The following APP variants were observed in gnomAD, a reference collection of about 807,000 sequenced individuals.
APP encodes the protein amyloid beta precursor protein, also known as amyloid-beta precursor protein.
In APP, 31 loss-of-function variants were observed where a neutral mutation model predicts 101.4. The ratio of observed to expected loss-of-function variants is 0.31; its 90% CI spans 0.23 to 0.41. The LOEUF (loss-of-function observed/expected upper bound fraction) is 0.41. Among genes scored for constraint, APP ranks in the 10% least tolerant of loss-of-function variants. APP has a pLI of 1.00. For missense variants in APP, 839 were observed against 1,003.7 expected, an observed-to-expected ratio of 0.84 and a Z score of 2.22; for synonymous variants, 366 against 364.4, an observed-to-expected ratio of 1.00 and a Z score of -0.05.
At chr21:26,021,762 A>G (rs544174008) in intron 6 of APP, 78 bp downstream of exon 6, 15 of 1,570,074 alleles carry the variant, frequency 9.6e-6, no homozygotes, top group African/African-American at 1.4e-5. Context: ...CAGTGGTGCT[A>G]GGGTGGATAT....
At chr21:26,033,095 C>G (rs1016540971) in intron 5 of APP, among the ~76,000 whole-genome samples, 1 of 152,134 alleles carries the variant, frequency 6.6e-6, no homozygotes, top group Non-Finnish European at 1.5e-5. Flanking sequence ...ACTGTAGAAA[C>G]AGGGAATGGC....
intron 1 of APP, chr21:26,140,154 T>A: frequency 6.5e-7 from 1 of 1,531,866 alleles, no homozygotes; most frequent in Non-Finnish European, 8.7e-7. Context: ...CTCACTTACA[T>A]AGTTGATAAA....
At position 25,885,455 on chromosome 21, in the gene APP, G is replaced by C. The variant is rs939793669; in HGVS notation, c.2212-3684C>G. Among the ~76,000 whole-genome samples, 71 of 152,254 alleles carry C rather than the reference G, an allele frequency of 4.7e-4. 1 individual carries two copies. The highest frequency in any genetic ancestry group is 7.5e-4 in the Non-Finnish European group (51 of 68,050). ...GTTCTGGAAGGAATGATAAGACAAT[G>C]AAGTCAGAATTTCCATTTTCCAACT... is the stretch of plus-strand genomic sequence containing the variant. On this transcript the variant is annotated intron_variant, in intron 17 of 17. Coordinates refer to ENST00000346798, the MANE Select transcript of APP (RefSeq NM_000484.4).
At chr21:25,969,246 G>C (rs547936881) in intron 11 of APP, among the ~76,000 whole-genome samples, 18 of 150,014 alleles carry the variant, frequency 1.2e-4, no homozygotes, top group South Asian at 2.1e-4. Context: ...TACTTGAGAG[G>C]CTGAGGCTGG....
Position 25,897,692 on chromosome 21 carries a change from A to C in APP, c.1964-19T>G, listed in dbSNP as rs186664745. The C allele has an allele frequency of 5.0e-6, 8 of 1,586,578 alleles. No individual in the cohort carries two copies. In the East Asian group the frequency reaches 1.6e-4, roughly 31 times the overall value. ...CCAGAACCTGTATTACATCATAATT[A>C]AAGTATGCAGGACAACCAATTAGTT... is the stretch of plus-strand genomic sequence containing the variant. On this transcript the variant is annotated intron_variant, in intron 15 of 17. Transcript: ENST00000346798.
At chr21:26,093,447 T>C (rs1403927972) in intron 2 of APP, among the ~76,000 whole-genome samples, 2 of 152,194 alleles carry the variant, frequency 1.3e-5, no homozygotes, top group East Asian at 1.9e-4. Context: ...TGGTTCCCTC[T>C]ATACAACTTA....
intron 8 of APP, among the ~76,000 whole-genome samples, chr21:25,987,018 G>C (rs927056748): frequency 5.9e-5 from 9 of 152,346 alleles, no homozygotes; most frequent in Non-Finnish European, 1.3e-4. Flanking sequence ...GAGTAGTAAA[G>C]GGCCAATCCA....
At chr21:26,136,267 C>G (rs955504435) in intron 1 of APP, among the ~76,000 whole-genome samples, 5 of 151,984 alleles carry the variant, frequency 3.3e-5, no homozygotes, top group African/African-American at 9.7e-5. Context: ...ACTCTGCACG[C>G]CACTGCCTCT....
At chr21:25,907,209 A>G (rs2038838017) in intron 14 of APP, among the ~76,000 whole-genome samples, 1 of 152,186 alleles carries the variant, frequency 6.6e-6, no homozygotes, top group African/African-American at 2.4e-5. Flanking sequence ...CCCTAACCCT[A>G]TTTTTTAGGA....
chr21:25,959,416 G>T (rs2041480520), intron 11 of APP, among the ~76,000 whole-genome samples: 1 of 152,228 alleles, frequency 6.6e-6, no homozygotes, highest in South Asian at 2.1e-4. Context: ...CTGGGCGACA[G>T]GACGAGACTC....
chr21:26,035,851 G>A (rs1318477445), intron 5 of APP, among the ~76,000 whole-genome samples: 1 of 152,310 alleles, frequency 6.6e-6, no homozygotes, highest in East Asian at 1.9e-4. Flanking sequence ...ATGGAGATAA[G>A]TGGATAAATC....
intron 11 of APP, among the ~76,000 whole-genome samples, chr21:25,974,231 A>G (rs2042142398): frequency 6.6e-6 from 1 of 152,174 alleles, no homozygotes; most frequent in African/African-American, 2.4e-5. Context: ...CTTACAACTC[A>G]GCCAAATCTC....
At chr21:26,102,876 T>G (rs1601466226) in intron 2 of APP, among the ~76,000 whole-genome samples, 1 of 103,398 alleles carries the variant, frequency 9.7e-6, no homozygotes, top group Non-Finnish European at 1.8e-5. Flanking sequence ...GTTGATGGAG[T>G]GGGACTCTGT....
rs1392713137 is a variant in APP at position 25,921,032 on chromosome 21, C to T, written c.1688-9070G>A. 1.1e-4 allele frequency among the ~76,000 whole-genome samples: 16 copies of T among 146,836 alleles called. No homozygotes were observed. The East Asian group carries it at 1.6e-3, about 14-fold the overall frequency. Reference sequence around the variant, plus strand: ...ACAGAAATTATAACAAACTATCTCTCCGACCACAGTGCAATCAAACTAGAA... The same window carrying T: ...ACAGAAATTATAACAAACTATCTCTTCGACCACAGTGCAATCAAACTAGAA... On this transcript the variant is annotated intron_variant, in intron 13 of 17. Coordinates refer to ENST00000346798, the MANE Select transcript of APP (RefSeq NM_000484.4).
At chr21:26,011,068 TTTTTA>T (rs916359369) in intron 6 of APP, among the ~76,000 whole-genome samples, 5 of 151,380 alleles carry the variant, frequency 3.3e-5, no homozygotes, top group Non-Finnish European at 5.9e-5. Context: ...TCTGTTCACT[TTTTTA>T]TTTTTATTTA....
intron 11 of APP, among the ~76,000 whole-genome samples, chr21:25,965,435 A>C (rs1182974249): frequency 6.6e-6 from 1 of 152,082 alleles, no homozygotes; most frequent in East Asian, 1.9e-4. Flanking sequence ...ACATCCTCTA[A>C]CTGGTTAGCC....
intron 1 of APP, among the ~76,000 whole-genome samples, chr21:26,159,002 C>A (rs2063430587): frequency 6.6e-6 from 1 of 152,162 alleles, no homozygotes; most frequent in Non-Finnish European, 1.5e-5. Flanking sequence ...CCTGTCATAA[C>A]TGAAACACAG....
At chr21:25,893,208 G>T (rs45599838) in intron 16 of APP, among the ~76,000 whole-genome samples, 1 of 152,122 alleles carries the variant, frequency 6.6e-6, no homozygotes, top group Admixed American at 6.5e-5. Flanking sequence ...TGTTGTGTGT[G>T]TTCTGTCTGC....
intron 11 of APP, among the ~76,000 whole-genome samples, chr21:25,969,451 A>G (rs1367323667): frequency 6.6e-6 from 1 of 152,072 alleles, no homozygotes; most frequent in Non-Finnish European, 1.5e-5. Flanking sequence ...ATTAAAACTT[A>G]AATGAACACC....
Sources: allele counts gnomAD v4.1 joint callset (sites outside exome capture counted in the v4.1 genomes callset), GRCh38; gene constraint gnomAD v4.1.1; transcripts MANE v1.5; gene names NCBI Gene and HGNC (gene_info 2026-07-23, HGNC 2026-07-21).